The following TMEM178B variants were observed in gnomAD, a reference collection of about 807,000 sequenced individuals.
TMEM178B encodes transmembrane protein 178B.
A neutral mutation model predicts 31.0 loss-of-function variants in TMEM178B; 5 were observed. The observed-to-expected ratio is 0.16, with a 90% confidence interval of 0.08 to 0.34. TMEM178B has a LOEUF of 0.34. TMEM178B is among the 10% of genes least tolerant of loss of function. TMEM178B has a pLI of 1.00. For missense variants in TMEM178B, 275 were observed against 400.3 expected, an observed-to-expected ratio of 0.69 and a Z score of 2.67; for synonymous variants, 164 against 164.0, an observed-to-expected ratio of 1.00 and a Z score of 0.00.
At chr7:141,289,714 CAAAAA>C (rs35000633) in intron 2 of TMEM178B, among the ~76,000 whole-genome samples, 24 of 92,354 alleles carry the variant, frequency 2.6e-4, no homozygotes, top group South Asian at 3.8e-4. Flanking sequence ...GACCCTGTCT[CAAAAA>C]AAAAAAAAAA....
In TMEM178B at chr7:141,216,448, T is replaced by TGTGTGTGTGTGTGC. The variant is rs1415593747; in HGVS notation, c.496+3745_496+3746insTGTGTGTGTGTGCG. 1.3e-3 allele frequency among the ~76,000 whole-genome samples: 176 copies of TGTGTGTGTGTGTGC among 135,922 alleles called. 5 individuals carry two copies. Among genetic ancestry groups the TGTGTGTGTGTGTGC allele is most frequent in the African/African-American group, 4.9e-3 (168 of 34,358 alleles). The allele number at this position is 135,922 out of a possible 152,430, so 89.2% of individuals were successfully genotyped here. On this transcript the variant is annotated intron_variant, in intron 2 of 3. Coordinates refer to ENST00000565468, the MANE Select transcript of TMEM178B (RefSeq NM_001195278.2). Reference sequence around the variant, plus strand: ...CTGTGTGTGTGTGTGTGTGTGTGTGTGCGCGCGCGCGCGCGTGTGTGTGTG... The same window carrying TGTGTGTGTGTGTGC: ...CTGTGTGTGTGTGTGTGTGTGTGTGTGTGTGTGTGTGTGCGCGCGCGCGCGCGCGTGTGTGTGTG...
intron 1 of TMEM178B, among the ~76,000 whole-genome samples, chr7:141,154,646 T>C (rs1459925954): frequency 6.6e-6 from 1 of 152,158 alleles, no homozygotes; most frequent in Admixed American, 6.5e-5. Context: ...ACGGTGGCCC[T>C]TGGATACTTA....
chr7:141,281,279 C>T (rs1798354864), intron 2 of TMEM178B, among the ~76,000 whole-genome samples: 1 of 152,130 alleles, frequency 6.6e-6, no homozygotes, highest in African/African-American at 2.4e-5. Flanking sequence ...TAGGCTTGCT[C>T]TTCTGGTGCC....
intron 2 of TMEM178B, among the ~76,000 whole-genome samples, chr7:141,315,238 T>C (rs1586887156): frequency 6.6e-6 from 1 of 152,246 alleles, no homozygotes; most frequent in East Asian, 1.9e-4. Context: ...CTCTGTCAGA[T>C]AGATTAATCT....
At chr7:141,404,953 G>A (rs1411502561) in intron 2 of TMEM178B, among the ~76,000 whole-genome samples, 2 of 152,226 alleles carry the variant, frequency 1.3e-5, no homozygotes, top group Non-Finnish European at 2.9e-5. Flanking sequence ...TAGGGGTGAA[G>A]TTTCCCGTCC....
At chr7:141,202,005 C>T (rs987264351) in intron 1 of TMEM178B, among the ~76,000 whole-genome samples, 1 of 152,164 alleles carries the variant, frequency 6.6e-6, no homozygotes, top group East Asian at 1.9e-4. Flanking sequence ...TGAATGCCAC[C>T]TCTGCCACCT....
At chr7:141,467,748 A>G (rs1450975961) in intron 3 of TMEM178B, among the ~76,000 whole-genome samples, 3 of 152,158 alleles carry the variant, frequency 2.0e-5, no homozygotes, top group African/African-American at 7.2e-5. Flanking sequence ...CCGCTCCTCA[A>G]TGCGCCCTCA....
At chr7:141,304,615 C>T (rs1269096960) in intron 2 of TMEM178B, among the ~76,000 whole-genome samples, 1 of 152,124 alleles carries the variant, frequency 6.6e-6, no homozygotes, top group Non-Finnish European at 1.5e-5. Context: ...CCTAGCCTCT[C>T]CAGGCTTCAG....
intron 2 of TMEM178B, among the ~76,000 whole-genome samples, chr7:141,429,251 C>T (rs367881121): frequency 5.3e-5 from 8 of 151,774 alleles, no homozygotes; most frequent in South Asian, 2.1e-4. Context: ...ATAGCTAAGA[C>T]GTGGAATCAT....
chr7:141,343,896 C>T (rs141554033), intron 2 of TMEM178B, among the ~76,000 whole-genome samples: 17 of 152,246 alleles, frequency 1.1e-4, no homozygotes, highest in African/African-American at 4.1e-4. Context: ...TTAGAGAGAA[C>T]TGTGGGGCTG....
chr7:141,176,414 A>G (rs1277511048), intron 1 of TMEM178B, among the ~76,000 whole-genome samples: 1 of 152,040 alleles, frequency 6.6e-6, no homozygotes, highest in African/African-American at 2.4e-5. Flanking sequence ...TTGGCCTGAA[A>G]TTTTCTTTTT....
intron 1 of TMEM178B, among the ~76,000 whole-genome samples, chr7:141,153,970 A>T (rs1364353826): frequency 6.6e-6 from 1 of 152,180 alleles, no homozygotes; most frequent in Non-Finnish European, 1.5e-5. Flanking sequence ...ACCTTCATTT[A>T]AAAAAATCAA....
chr7:141,442,055 A>C (rs1444155077), intron 3 of TMEM178B, among the ~76,000 whole-genome samples: 1 of 152,202 alleles, frequency 6.6e-6, no homozygotes, highest in Non-Finnish European at 1.5e-5. Context: ...GACATTCAGA[A>C]GCTCAGGAAC....
At chr7:141,319,195 G>T (rs965070821) in intron 2 of TMEM178B, among the ~76,000 whole-genome samples, 14 of 152,322 alleles carry the variant, frequency 9.2e-5, no homozygotes, top group African/African-American at 3.1e-4. Flanking sequence ...AAAAAGCAGT[G>T]ATTTACATTA....
At chr7:141,441,243 C>T (rs568073849) in intron 3 of TMEM178B, among the ~76,000 whole-genome samples, 1 of 152,332 alleles carries the variant, frequency 6.6e-6, no homozygotes, top group Non-Finnish European at 1.5e-5. Flanking sequence ...GATGCCTTGA[C>T]CTCTAGAACC....
intron 1 of TMEM178B, among the ~76,000 whole-genome samples, chr7:141,126,624 A>G (rs564342779): frequency 7.2e-5 from 11 of 152,388 alleles, no homozygotes; most frequent in Admixed American, 5.9e-4. Context: ...GCAATGGGCC[A>G]TCAGTGATGC....
chr7:141,241,330 G>T (rs932080310), intron 2 of TMEM178B, among the ~76,000 whole-genome samples: 1 of 151,812 alleles, frequency 6.6e-6, no homozygotes, highest in Non-Finnish European at 1.5e-5. Context: ...GGTGGCTCAC[G>T]CCTGTAATCC....
chr7:141,275,607 T>C (rs987967907), intron 2 of TMEM178B, among the ~76,000 whole-genome samples: 1 of 152,210 alleles, frequency 6.6e-6, no homozygotes, highest in Non-Finnish European at 1.5e-5. Context: ...TGTTAGTATC[T>C]GAAAGCAGGA....
At chr7:141,232,270 TATGC>T (rs1417260174) in intron 2 of TMEM178B, among the ~76,000 whole-genome samples, 1 of 152,228 alleles carries the variant, frequency 6.6e-6, no homozygotes, top group Non-Finnish European at 1.5e-5. Flanking sequence ...GCAATGAACA[TATGC>T]ATGCATGTAT....
Sources: gnomAD v4.1 joint callset for allele counts (sites outside exome capture counted in the v4.1 genomes callset) on GRCh38, gnomAD v4.1.1 for gene constraint, MANE v1.5 for transcripts, NCBI Gene and HGNC (gene_info 2026-07-23, HGNC 2026-07-21) for gene names.